Variants in ANKRD6 observed in about 807,000 individuals in gnomAD.
ANKRD6 encodes the protein ankyrin repeat domain 6.
Under a neutral mutation model 82.3 loss-of-function variants are expected in ANKRD6, and 56 were observed. That is an observed-to-expected ratio of 0.68 (90% confidence interval 0.55 to 0.85). ANKRD6 has a LOEUF of 0.85. Ranked by LOEUF, ANKRD6 falls within the 40% of genes least tolerant of loss-of-function variation. The probability of loss-of-function intolerance (pLI) is 0.00; values close to 1 mark genes in which losing one functional copy is unlikely to be tolerated. For synonymous variants in ANKRD6, 347 were observed against 352.1 expected, an observed-to-expected ratio of 0.99 and a Z score of 0.16; for missense variants, 852 against 907.6, an observed-to-expected ratio of 0.94 and a Z score of 0.79.
At chr6:89,612,734 G>A (rs1363242821) in intron 6 of ANKRD6, among the ~76,000 whole-genome samples, 2 of 152,172 alleles carry the variant, frequency 1.3e-5, no homozygotes, top group Non-Finnish European at 2.9e-5. Flanking sequence ...GCAAATATGA[G>A]CTGGTGCCAT....
At chr6:89,511,174 G>A (rs887586025) in intron 1 of ANKRD6, among the ~76,000 whole-genome samples, 3 of 152,172 alleles carry the variant, frequency 2.0e-5, no homozygotes, top group Admixed American at 6.5e-5. Context: ...CTCTTCCTCC[G>A]TAGACTCTTC....
At chr6:89,533,697 C>T (rs1431924265) in intron 1 of ANKRD6, among the ~76,000 whole-genome samples, 2 of 149,942 alleles carry the variant, frequency 1.3e-5, no homozygotes, top group African/African-American at 2.5e-5. Context: ...CCAGCCATCA[C>T]GAATGAGAGA....
intron 1 of ANKRD6, among the ~76,000 whole-genome samples, chr6:89,477,511 C>T (rs1395727940): frequency 6.6e-6 from 1 of 151,658 alleles, no homozygotes; most frequent in East Asian, 2.0e-4. Context: ...GTGGCTCATA[C>T]CTGTAATCCC....
At chr6:89,514,929 C>T (rs923321674) in intron 1 of ANKRD6, among the ~76,000 whole-genome samples, 1 of 152,128 alleles carries the variant, frequency 6.6e-6, no homozygotes, top group Non-Finnish European at 1.5e-5. Context: ...TTCCTATTTC[C>T]TTGATGACTT....
At chr6:89,466,458 C>T (rs917394859) in intron 1 of ANKRD6, among the ~76,000 whole-genome samples, 5 of 152,030 alleles carry the variant, frequency 3.3e-5, no homozygotes, top group African/African-American at 1.2e-4. Flanking sequence ...GTTGTCTTGC[C>T]TTTTTGTCAG....
At chr6:89,551,546 G>C (rs1188246995) in intron 1 of ANKRD6, among the ~76,000 whole-genome samples, 1 of 152,180 alleles carries the variant, frequency 6.6e-6, no homozygotes, top group Non-Finnish European at 1.5e-5. Flanking sequence ...CCAAAGACTG[G>C]GTTCCAGGCC....
intron 9 of ANKRD6, chr6:89,621,417 C>T (rs975142747): frequency 7.2e-5 from 12 of 165,772 alleles, no homozygotes; most frequent in African/African-American, 2.6e-4. Context: ...TACTATGGCT[C>T]ATAGATACAC....
intron 1 of ANKRD6, among the ~76,000 whole-genome samples, chr6:89,520,309 C>T (rs1174031956): frequency 6.6e-6 from 1 of 152,202 alleles, no homozygotes; most frequent in Non-Finnish European, 1.5e-5. Flanking sequence ...TTGGCAAAAG[C>T]CCTGCAACCT....
At chr6:89,615,905 G>C (rs915908166) in intron 7 of ANKRD6, among the ~76,000 whole-genome samples, 9 of 152,162 alleles carry the variant, frequency 5.9e-5, no homozygotes, top group Non-Finnish European at 1.0e-4. Flanking sequence ...CATATTTCTT[G>C]TATAAAGATA....
intron 2 of ANKRD6, among the ~76,000 whole-genome samples, chr6:89,579,563 G>C (rs1791983549): frequency 6.6e-6 from 1 of 151,954 alleles, no homozygotes; most frequent in East Asian, 1.9e-4. Context: ...TTGAGGCCAG[G>C]AGTTCAAGAC....
At chr6:89,626,575 G>A (rs953934976) in intron 13 of ANKRD6, among the ~76,000 whole-genome samples, 2 of 152,238 alleles carry the variant, frequency 1.3e-5, no homozygotes, top group Non-Finnish European at 2.9e-5. Flanking sequence ...CACGTCTCCA[G>A]AACGGATGTT....
chr6:89,477,326 C>G (rs1159843214), intron 1 of ANKRD6, among the ~76,000 whole-genome samples: 6 of 151,952 alleles, frequency 3.9e-5, no homozygotes, highest in Non-Finnish European at 5.9e-5. Context: ...ATCTATAATT[C>G]CATCACCTAG....
rs144773433 is a variant in ANKRD6 at position 89,627,633 on chromosome 6, G to C, written c.1422G>C (p.Thr474=). 1.5e-5 allele frequency: 25 copies of C among 1,613,824 alleles called. No individual in the cohort carries two copies. The highest frequency in any genetic ancestry group is 2.0e-5 in the Non-Finnish European group (24 of 1,179,800). The change falls in exon 14 of 16, where the codon ACG becomes ACC. Residue 474 remains threonine (T), a synonymous_variant. Coordinates refer to ENST00000339746, the MANE Select transcript of ANKRD6 (RefSeq NM_001242809.2). The part of the protein sequence containing the change: ...LMVERLSAER[T]ECLNRLQQHS... ...TTGAGCGACTTTCTGCAGAGAGGAC[G>C]GAGTGCCTGAACCGCCTGCAACAGC...
At chr6:89,548,113 A>T (rs975472306) in intron 1 of ANKRD6, among the ~76,000 whole-genome samples, 1 of 152,208 alleles carries the variant, frequency 6.6e-6, no homozygotes, top group African/African-American at 2.4e-5. Context: ...ATGTATATTC[A>T]CAAAGATGTC....
At chr6:89,620,893 G>A (rs557474925) in intron 9 of ANKRD6, among the ~76,000 whole-genome samples, 7 of 152,134 alleles carry the variant, frequency 4.6e-5, no homozygotes, top group Admixed American at 2.6e-4. Flanking sequence ...GTGAAACCCC[G>A]TCTCTACTAA....
chr6:89,516,548 C>T (rs1005061382), intron 1 of ANKRD6, among the ~76,000 whole-genome samples: 2 of 151,612 alleles, frequency 1.3e-5, no homozygotes, highest in Non-Finnish European at 2.9e-5. Flanking sequence ...GATCTCAGCT[C>T]ACTGCAACCT....
chr6:89,615,350 A>C (rs1046136871), intron 7 of ANKRD6, among the ~76,000 whole-genome samples: 4 of 152,192 alleles, frequency 2.6e-5, no homozygotes, highest in Non-Finnish European at 5.9e-5. Context: ...TCTCTGTCTG[A>C]GTATACAGCC....
chr6:89,541,826 T>G (rs1784482106), intron 1 of ANKRD6, among the ~76,000 whole-genome samples: 1 of 151,360 alleles, frequency 6.6e-6, no homozygotes. Context: ...ATATATATCT[T>G]ATATGTAGTT....
At chr6:89,452,034 C>T (rs977572635) in intron 1 of ANKRD6, among the ~76,000 whole-genome samples, 3 of 152,028 alleles carry the variant, frequency 2.0e-5, no homozygotes, top group African/African-American at 7.2e-5. Context: ...ATCTCAGCAC[C>T]ACTAACAAAA....
Sources: gnomAD v4.1 joint callset for allele counts (sites outside exome capture counted in the v4.1 genomes callset) on GRCh38, gnomAD v4.1.1 for gene constraint, MANE v1.5 for transcripts, NCBI Gene and HGNC (gene_info 2026-07-23, HGNC 2026-07-21) for gene names.